The following MACROD2 variants were observed in gnomAD, a reference collection of about 807,000 sequenced individuals.
MACROD2 encodes the protein ADP-ribose glycohydrolase MACROD2.
In MACROD2, 36 loss-of-function variants were observed where a neutral mutation model predicts 70.4. The observed-to-expected ratio is 0.51, with a 90% CI of 0.39 to 0.68. The LOEUF is 0.68. Among genes scored for constraint, MACROD2 ranks in the 30% least tolerant of loss-of-function variants. The pLI is 0.00. For synonymous variants in MACROD2, 172 were observed against 178.8 expected, an observed-to-expected ratio of 0.96 and a Z score of 0.30; for missense variants, 496 against 538.4, an observed-to-expected ratio of 0.92 and a Z score of 0.78.
chr20:14,263,525 A>C (rs1038674842), intron 3 of MACROD2, among the ~76,000 whole-genome samples: 16 of 152,114 alleles, frequency 1.1e-4, no homozygotes, highest in Non-Finnish European at 2.2e-4. Flanking sequence ...GGTGCCCCCC[A>C]GACATCCAGC....
chr20:15,770,178 T>C (rs545017568), intron 8 of MACROD2, among the ~76,000 whole-genome samples: 1 of 146,578 alleles, frequency 6.8e-6, no homozygotes, highest in South Asian at 2.2e-4. Context: ...CACAGCAGCC[T>C]CGAACTCCTG....
chr20:15,853,411 T>C (rs2064321897), intron 8 of MACROD2, among the ~76,000 whole-genome samples: 1 of 152,168 alleles, frequency 6.6e-6, no homozygotes, highest in Non-Finnish European at 1.5e-5. Flanking sequence ...TAAAGGGATT[T>C]TGAAGACGTA....
chr20:14,667,937 C>T lies in MACROD2; in HGVS notation c.302-16906C>T, dbSNP rs552694324. 2.0e-5 allele frequency among the ~76,000 whole-genome samples: 3 copies of T among 152,190 alleles called. No homozygotes were observed. In the South Asian group the frequency reaches 6.2e-4, roughly 32 times the overall value. On this transcript the variant is annotated intron_variant, in intron 4 of 17. Transcript: ENST00000684519. ...TTGGAAGGCCAAGGCAGGCAGATCT[C>T]TTGAGTTCAAGACCAGCCTGGGCAA...
At chr20:15,924,039 C>G (rs1036266815) in intron 10 of MACROD2, among the ~76,000 whole-genome samples, 13 of 152,130 alleles carry the variant, frequency 8.5e-5, no homozygotes, top group Non-Finnish European at 1.6e-4. Flanking sequence ...ATACTGAGGG[C>G]AAGAGCACAT....
At chr20:15,727,360 C>G (rs759346297) in intron 8 of MACROD2, among the ~76,000 whole-genome samples, 4 of 152,012 alleles carry the variant, frequency 2.6e-5, no homozygotes, top group African/African-American at 9.7e-5. Flanking sequence ...TATACTTTTA[C>G]ATCAAGTAAT....
intron 5 of MACROD2, among the ~76,000 whole-genome samples, chr20:15,194,005 G>A (rs1223950532): frequency 2.6e-5 from 4 of 151,868 alleles, no homozygotes; most frequent in Non-Finnish European, 5.9e-5. Flanking sequence ...CAGCACTTTG[G>A]GAGGCCAAGG....
intron 6 of MACROD2, among the ~76,000 whole-genome samples, chr20:15,341,065 G>C (rs972242673): frequency 2.0e-5 from 3 of 152,154 alleles, no homozygotes; most frequent in African/African-American, 7.2e-5. Flanking sequence ...TATGGAAAGA[G>C]AGGTTACTTG....
At chr20:15,255,614 G>T (rs1256986186) in intron 6 of MACROD2, among the ~76,000 whole-genome samples, 1 of 152,100 alleles carries the variant, frequency 6.6e-6, no homozygotes, top group Non-Finnish European at 1.5e-5. Context: ...GGCACAGTGA[G>T]GTGAAAGATT....
At chr20:14,581,969 T>C (rs972050854) in intron 4 of MACROD2, among the ~76,000 whole-genome samples, 2 of 152,192 alleles carry the variant, frequency 1.3e-5, no homozygotes, top group Non-Finnish European at 2.9e-5. Flanking sequence ...ACACATTTCC[T>C]GATAGCATCC....
chr20:14,715,142 A>C (rs2071382964), intron 5 of MACROD2, among the ~76,000 whole-genome samples: 1 of 152,168 alleles, frequency 6.6e-6, no homozygotes. Context: ...GGGAAAGCAA[A>C]CACATTATGC....
intron 5 of MACROD2, among the ~76,000 whole-genome samples, chr20:15,019,178 C>T (rs948812337): frequency 1.1e-4 from 17 of 151,918 alleles, no homozygotes; most frequent in African/African-American, 9.7e-5. Flanking sequence ...CGCGCGCGCG[C>T]GGAGAGAGTT....
chr20:15,933,938 G>A (rs1243994751), intron 11 of MACROD2, among the ~76,000 whole-genome samples: 1 of 152,126 alleles, frequency 6.6e-6, no homozygotes, highest in Non-Finnish European at 1.5e-5. Context: ...CCACACCGTA[G>A]ATTATAAATT....
chr20:15,902,728 G>A (rs1006747445), intron 10 of MACROD2, among the ~76,000 whole-genome samples: 1 of 152,074 alleles, frequency 6.6e-6, no homozygotes. Context: ...GCTGGCAGCC[G>A]GCGCCAAGAT....
At chr20:14,250,115 G>A (rs144281768) in intron 3 of MACROD2, among the ~76,000 whole-genome samples, 3 of 151,842 alleles carry the variant, frequency 2.0e-5, no homozygotes, top group East Asian at 3.9e-4. Flanking sequence ...AGGTGAAAGC[G>A]CTCACCTTTT....
At chr20:14,171,910 C>G (rs2081223898) in intron 3 of MACROD2, among the ~76,000 whole-genome samples, 1 of 152,132 alleles carries the variant, frequency 6.6e-6, no homozygotes, top group African/African-American at 2.4e-5. Flanking sequence ...GTCTTGATGA[C>G]CTGTCTAGTG....
chr20:14,041,863 C>T (rs1413186517), intron 2 of MACROD2, among the ~76,000 whole-genome samples: 1 of 152,054 alleles, frequency 6.6e-6, no homozygotes, highest in South Asian at 2.1e-4. Context: ...AGTCTGCTCA[C>T]AAAATCCAAT....
chr20:14,237,170 A>G (rs1043914834), intron 3 of MACROD2, among the ~76,000 whole-genome samples: 1 of 152,092 alleles, frequency 6.6e-6, no homozygotes, highest in Non-Finnish European at 1.5e-5. Context: ...ACAAGCTCTC[A>G]TATCTCTCTG....
intron 4 of MACROD2, among the ~76,000 whole-genome samples, chr20:14,637,772 A>G (rs1246351250): frequency 3.3e-5 from 5 of 151,888 alleles, no homozygotes; most frequent in African/African-American, 1.2e-4. Flanking sequence ...TTTTTTTCCA[A>G]ATTTTTTCTC....
chr20:14,185,102 G>A (rs984503560), intron 3 of MACROD2, among the ~76,000 whole-genome samples: 1 of 152,084 alleles, frequency 6.6e-6, no homozygotes, highest in African/African-American at 2.4e-5. Flanking sequence ...TGTGTGTGTA[G>A]ATGCTCAATA....
Sources: gnomAD v4.1 joint callset for allele counts (sites outside exome capture counted in the v4.1 genomes callset) on GRCh38, gnomAD v4.1.1 for gene constraint, MANE v1.5 for transcripts, NCBI Gene and HGNC (gene_info 2026-07-23, HGNC 2026-07-21) for gene names.